The following KCNT1 variants were observed in gnomAD, a reference collection of about 807,000 sequenced individuals.
The protein encoded by KCNT1 is potassium sodium-activated channel subfamily T member 1.
KCNT1 carries 78 observed loss-of-function variants against 147.8 expected under a neutral mutation model. The observed-to-expected ratio is 0.53, with a 90% CI of 0.44 to 0.64. The LOEUF is 0.64. Among genes scored for constraint, KCNT1 ranks in the 30% least tolerant of loss-of-function variants. The probability of loss-of-function intolerance (pLI) is 0.00; values close to 1 mark genes in which losing one functional copy is unlikely to be tolerated. For synonymous variants in KCNT1, 867 were observed against 748.8 expected, an observed-to-expected ratio of 1.16 and a Z score of -2.58; for missense variants, 1,419 against 1,750.3, an observed-to-expected ratio of 0.81 and a Z score of 3.38.
Position 135,765,296 on chromosome 9 carries a change from C to A in KCNT1, c.1200+101C>A. 5 of 1,159,474 alleles carry A rather than the reference C, an allele frequency of 4.3e-6. No individual in the cohort carries two copies. The South Asian group carries it at 7.0e-5, about 16-fold the overall frequency. 71.8% of individuals were successfully genotyped at this position (1,159,474 alleles called of 1,614,324 possible). On this transcript the variant is annotated intron_variant, in intron 12 of 30. Transcript: ENST00000371757. ...TTGGCAAGTCCCTGAGTCCTCTCAG[C>A]CTTGGTTTACCCCTTCAGTGAGGGC...
intron 24 of KCNT1, 101 bp downstream of exon 24, chr9:135,779,571 C>G: frequency 1.2e-6 from 1 of 862,894 alleles, no homozygotes; most frequent in Non-Finnish European, 1.9e-6. Flanking sequence ...GGAGGCTGGG[C>G]TCCTGCCGCC....
intron 11 of KCNT1, among the ~76,000 whole-genome samples, chr9:135,760,987 TCA>T (rs1421786716): frequency 6.6e-6 from 1 of 152,096 alleles, no homozygotes; most frequent in East Asian, 1.9e-4. Context: ...ACCGCCCCTC[TCA>T]CTTTGCTTAC....
rs545597910 is a variant in KCNT1 at position 135,770,752 on chromosome 9, C to T, written c.1770-105C>T. The stretch of plus-strand genomic sequence containing the variant: ...CCCCAAATGGCCCCCAGGAGGAAGA[C>T]GCGGAGCTCCGGTGGGGACTCTGGT... On this transcript the variant is annotated intron_variant, in intron 17 of 30. Transcript: ENST00000371757. 3.2e-5 allele frequency: 36 copies of T among 1,132,676 alleles called. 1 individual carries two copies. Among genetic ancestry groups the T allele is most frequent in the South Asian group, 2.3e-4 (15 of 65,118 alleles). 70.2% of individuals were successfully genotyped at this position (1,132,676 alleles called of 1,614,324 possible).
rs10776848 is a variant in KCNT1, at chr9:135,783,955, A to G, written c.2842-69A>G. 2.2e-5 allele frequency: 26 copies of G among 1,183,040 alleles called. No homozygotes were observed. In the East Asian group the frequency reaches 4.9e-4, roughly 22 times the overall value. 73.3% of individuals were successfully genotyped at this position (1,183,040 alleles called of 1,614,324 possible). A position where few individuals can be genotyped will look rare whatever the true frequency, so the allele number is the denominator to read the frequency against. On this transcript the variant is annotated intron_variant, in intron 24 of 30. Coordinates refer to ENST00000371757, the MANE Select transcript of KCNT1 (RefSeq NM_020822.3). ...GTACGGTGCACACACAGTGCCCTCGACCCCGTGGCTGCCGTGCCACTGGAG... is the reference window on the plus strand; with the variant it reads ...GTACGGTGCACACACAGTGCCCTCGGCCCCGTGGCTGCCGTGCCACTGGAG...
intron 20 of KCNT1, 133 bp downstream of exon 20, chr9:135,775,548 C>T: frequency 4.7e-6 from 3 of 632,298 alleles, no homozygotes; most frequent in Non-Finnish European, 7.8e-6. Flanking sequence ...TGCAAGAATT[C>T]TGCAAGGGAG....
At chr9:135,761,882 G>A (rs1016277047) in intron 11 of KCNT1, among the ~76,000 whole-genome samples, 13 of 152,150 alleles carry the variant, frequency 8.5e-5, no homozygotes, top group South Asian at 2.1e-4. Flanking sequence ...GGCTGCGTCC[G>A]GCTCCTCTCC....
At position 135,714,220 on chromosome 9, in the gene KCNT1, G is replaced by A. The variant is rs1054235825; in HGVS notation, c.111-357G>A. Among the ~76,000 whole-genome samples the A allele has an allele frequency of 2.0e-5, 3 of 151,922 alleles. No homozygotes were observed. Among genetic ancestry groups the A allele is most frequent in the African/African-American group, 7.2e-5 (3 of 41,404 alleles). ...GGTGTGGCGGGGCTTCAGAGCAGGG[G>A]GAGGGCCTCCATCCTGGCTCTTGGG... On this transcript the variant is annotated intron_variant, in intron 1 of 30. Transcript: ENST00000371757. The surrounding 1 kb of genome is among the most constrained non-coding windows in gnomAD (Gnocchi z 6.2).
rs1487601601 is a variant in KCNT1, at chr9:135,784,513, CCCTCCCT to C, written c.2944-19_2944-13del. On this transcript the variant is annotated splice_polypyrimidine_tract_variant and intron_variant, in intron 25 of 30. Transcript: ENST00000371757. ...TCCCTCCCTCCCTCCCTCCCTCCCT[CCCTCCCT>C]CCCTCCCTGGCCAGTCCTTCGTGAA... 4.3e-5 allele frequency: 24 copies of C among 559,016 alleles called. No individual in the cohort carries two copies. The highest frequency in any genetic ancestry group is 7.2e-5 in the Non-Finnish European group (22 of 306,618). The allele number at this position is 559,016 out of a possible 1,614,324, so 34.6% of individuals were successfully genotyped here. A position where few individuals can be genotyped will look rare whatever the true frequency, so the allele number is the denominator to read the frequency against.
At chr9:135,783,054 G>A (rs1013904334) in intron 24 of KCNT1, among the ~76,000 whole-genome samples, 1 of 152,220 alleles carries the variant, frequency 6.6e-6, no homozygotes, top group Admixed American at 6.5e-5. Flanking sequence ...GGGCGCACAC[G>A]CCTGCCTGTG....
chr9:135,709,128 G>C lies in KCNT1; in HGVS notation c.111-5449G>C, dbSNP rs143685153. ...AGCACTGTGGCTGCCAGTGTGTGGG[G>C]ACAGTCTCTATATCACCTACAAGCT... On this transcript the variant is annotated intron_variant, in intron 1 of 30. Transcript: ENST00000371757. Among the ~76,000 whole-genome samples the C allele has an allele frequency of 4.6e-3, 702 of 152,328 alleles. 3 individuals carry two copies. The highest frequency in any genetic ancestry group is 7.1e-3 in the Non-Finnish European group (486 of 68,034).
chr9:135,788,156 T>C (rs749486902), intron 29 of KCNT1: 2 of 1,612,548 alleles, frequency 1.2e-6, no homozygotes, highest in Admixed American at 1.7e-5. Flanking sequence ...CCTGGGATAT[T>C]TGCAAGGTAA....
At chr9:135,736,666 G>A (rs1315899184) in intron 2 of KCNT1, 1 of 285,950 alleles carries the variant, frequency 3.5e-6, no homozygotes, top group Non-Finnish European at 6.5e-6. Flanking sequence ...CTCGCCGTCC[G>A]AGGGCAAGGC....
chr9:135,786,890 G>T (rs1834099226), intron 29 of KCNT1, among the ~76,000 whole-genome samples: 1 of 152,242 alleles, frequency 6.6e-6, no homozygotes, highest in Non-Finnish European at 1.5e-5. Flanking sequence ...TGAGCCCTTT[G>T]GCCAGGGGAG....
At chr9:135,778,623 C>T (rs1833355349) in intron 22 of KCNT1, 65 bp from the exon 23 acceptor site, 1 of 1,607,474 alleles carries the variant, frequency 6.2e-7, no homozygotes, top group Non-Finnish European at 8.5e-7. Context: ...CTGACCAAAT[C>T]CCGGGGTCCT....
chr9:135,772,277 T>C (rs1832811587), intron 18 of KCNT1, among the ~76,000 whole-genome samples: 1 of 152,198 alleles, frequency 6.6e-6, no homozygotes, highest in African/African-American at 2.4e-5. Context: ...AACCCCCATC[T>C]GGCAGCCTGG....
chr9:135,717,562 C>T (rs550592008), intron 2 of KCNT1, among the ~76,000 whole-genome samples: 3 of 152,196 alleles, frequency 2.0e-5, no homozygotes, highest in South Asian at 2.1e-4. Flanking sequence ...GGCAACTTTC[C>T]GGGGGCGCAG....
intron 13 of KCNT1, among the ~76,000 whole-genome samples, chr9:135,766,277 T>G (rs890596594): frequency 7.3e-5 from 11 of 151,280 alleles, no homozygotes; most frequent in Non-Finnish European, 1.3e-4. Context: ...GGGTGGACCA[T>G]CTAGGGTAGA....
chr9:135,765,154 A>G lies in KCNT1; in HGVS notation c.1159A>G (p.Met387Val). Residue 387 changes from methionine to valine, a missense_variant, in exon 12 of 31, where the codon ATG (methionine) becomes GTG (valine). This residue lies in a region of KCNT1 where 401 missense variants were observed against 610.6 expected (regional missense o/e 0.66). Coordinates refer to ENST00000371757, the MANE Select transcript of KCNT1 (RefSeq NM_020822.3). ...CVSSLKIDLL[M>V]DFLNEFYAHP... ...CAGCTCCCTCAAGATCGACCTTCTC[A>G]TGGACTTCCTGAACGAGTTCTACGC... The G allele has an allele frequency of 6.2e-7, 1 of 1,612,276 alleles. No homozygotes were observed. The highest frequency in any genetic ancestry group is 1.1e-5 in the South Asian group (1 of 91,044).
At chr9:135,774,253 GGTGTGTGTGGTGTCTGTT>G (rs527785145) in intron 19 of KCNT1, among the ~76,000 whole-genome samples, 1,404 of 135,598 alleles carry the variant, frequency 0.01, 25 homozygotes, top group East Asian at 0.04. Context: ...GTCCGTGTGT[GGTGTGTGTGGTGTCTGTT>G]GTGTGTGTGG....
Sources: gnomAD v4.1 joint callset for allele counts (sites outside exome capture counted in the v4.1 genomes callset) on GRCh38, gnomAD v4.1.1 for gene constraint, gnomAD v4.1.1 regional missense constraint, Gnocchi (gnomAD v3.1) non-coding constraint, MANE v1.5 for transcripts, NCBI Gene and HGNC (gene_info 2026-07-23, HGNC 2026-07-21) for gene names.